The following RGS6 variants were observed in gnomAD, a reference collection of about 807,000 sequenced individuals.
RGS6 encodes regulator of G protein signaling 6, also known as regulator of G-protein signaling 6.
Under a neutral mutation model 78.5 loss-of-function variants are expected in RGS6, and 30 were observed. The ratio of observed to expected loss-of-function variants is 0.38; its 90% CI spans 0.29 to 0.52. The LOEUF (loss-of-function observed/expected upper bound fraction) is 0.52, where lower values mean the gene tolerates loss of function less well. RGS6 is among the 20% of genes least tolerant of loss of function. The pLI is 0.85. For synonymous variants in RGS6, 206 were observed against 206.0 expected, an observed-to-expected ratio of 1.00 and a Z score of 0.00; for missense variants, 495 against 609.7, an observed-to-expected ratio of 0.81 and a Z score of 1.98.
At chr14:72,383,948 A>C (rs1202782331) in intron 3 of RGS6, among the ~76,000 whole-genome samples, 2 of 152,188 alleles carry the variant, frequency 1.3e-5, no homozygotes, top group Non-Finnish European at 1.5e-5. Flanking sequence ...AGAGTACTGA[A>C]TTGCTACAGT....
At chr14:72,057,778 A>C (rs867947067) in intron 2 of RGS6, among the ~76,000 whole-genome samples, 4 of 152,340 alleles carry the variant, frequency 2.6e-5, no homozygotes, top group African/African-American at 9.6e-5. Context: ...CAGCAGCTCA[A>C]GAGACAGACC....
chr14:72,615,112 G>A, the RGS6 span, among the ~76,000 whole-genome samples: 6 of 152,180 alleles, frequency 3.9e-5, no homozygotes, highest in African/African-American at 7.2e-5. Flanking sequence ...AGAGGGGCTA[G>A]GAGGGGCAGC....
In RGS6 at chr14:72,502,309, G is replaced by A. The variant is rs571186359; in HGVS notation, c.965+7047G>A. On this transcript the variant is annotated intron_variant, in intron 13 of 17. Coordinates refer to ENST00000553525, the MANE Select transcript of RGS6 (RefSeq NM_001204424.2). ...TGAGCCCTCCTGGATGCACAGCCCA[G>A]TCAAATCTCCAAATGACCCCACCTC... Among the ~76,000 whole-genome samples the A allele has an allele frequency of 7.2e-5, 11 of 152,308 alleles. No homozygotes were observed. The East Asian group carries it at 1.5e-3, about 21-fold the overall frequency.
At chr14:72,461,471 T>G (rs1364940161) in intron 6 of RGS6, among the ~76,000 whole-genome samples, 1 of 152,208 alleles carries the variant, frequency 6.6e-6, no homozygotes, top group Non-Finnish European at 1.5e-5. Context: ...AAAATTATTT[T>G]AAATTCCTGT....
chr14:71,955,448 G>T (rs938280563), intron 1 of RGS6, among the ~76,000 whole-genome samples: 5 of 152,312 alleles, frequency 3.3e-5, no homozygotes, highest in Admixed American at 6.5e-5. Flanking sequence ...TATTAAGAAA[G>T]TAGAGGAATT....
chr14:72,234,495 G>A (rs2050480585), intron 2 of RGS6, among the ~76,000 whole-genome samples: 1 of 152,172 alleles, frequency 6.6e-6, no homozygotes, highest in African/African-American at 2.4e-5. Context: ...ATTTATATGA[G>A]GACATAAATT....
At chr14:71,887,850 T>C in the RGS6 span, among the ~76,000 whole-genome samples, 2 of 152,186 alleles carry the variant, frequency 1.3e-5, no homozygotes, top group Non-Finnish European at 2.9e-5. Flanking sequence ...CAGAAGCATG[T>C]GATCTTTGTT....
intron 2 of RGS6, among the ~76,000 whole-genome samples, chr14:72,171,618 A>G (rs2097020278): frequency 6.6e-6 from 1 of 152,148 alleles, no homozygotes; most frequent in Non-Finnish European, 1.5e-5. Context: ...CACCTTCTGA[A>G]GTAAAAGAAG....
At chr14:72,234,977 A>G (rs1442948149) in intron 2 of RGS6, among the ~76,000 whole-genome samples, 2 of 152,154 alleles carry the variant, frequency 1.3e-5, no homozygotes, top group Non-Finnish European at 2.9e-5. Flanking sequence ...CAGAGACGAT[A>G]TTCTTGTCCT....
intron 13 of RGS6, among the ~76,000 whole-genome samples, chr14:72,495,929 A>C (rs1053853893): frequency 6.6e-6 from 1 of 152,226 alleles, no homozygotes; most frequent in Admixed American, 6.5e-5. Context: ...TCAGAATTAC[A>C]GAAGGAAACA....
At chr14:72,356,600 G>A (rs1269238217) in intron 3 of RGS6, among the ~76,000 whole-genome samples, 1 of 152,148 alleles carries the variant, frequency 6.6e-6, no homozygotes, top group African/African-American at 2.4e-5. Flanking sequence ...ATCTCATCTT[G>A]AATTGTATAA....
intron 2 of RGS6, among the ~76,000 whole-genome samples, chr14:71,975,814 AT>A (rs1361461174): frequency 3.9e-5 from 6 of 152,004 alleles, no homozygotes; most frequent in African/African-American, 1.5e-4. Flanking sequence ...TAGTTTTCTC[AT>A]TTCTCTCTTC....
the RGS6 span, among the ~76,000 whole-genome samples, chr14:71,922,014 C>G: frequency 2.0e-5 from 3 of 152,132 alleles, no homozygotes; most frequent in Non-Finnish European, 4.4e-5. Flanking sequence ...GGCTTTAAAT[C>G]CCACCTATTT....
chr14:72,132,113 G>A (rs753837128), intron 2 of RGS6, among the ~76,000 whole-genome samples: 11 of 151,998 alleles, frequency 7.2e-5, no homozygotes, highest in Non-Finnish European at 1.3e-4. Context: ...TTCTCAACCT[G>A]TCTTACCTAT....
intron 12 of RGS6, among the ~76,000 whole-genome samples, chr14:72,491,404 A>G (rs2096576430): frequency 6.6e-6 from 1 of 152,230 alleles, no homozygotes; most frequent in Non-Finnish European, 1.5e-5. Flanking sequence ...AAAGTCACTC[A>G]ATGCAACCAA....
chr14:72,368,913 C>A (rs538635801), intron 3 of RGS6, among the ~76,000 whole-genome samples: 5 of 152,202 alleles, frequency 3.3e-5, no homozygotes, highest in Middle Eastern at 3.4e-3. Flanking sequence ...CATTAAGTAT[C>A]TTCATATGGG....
intron 3 of RGS6, among the ~76,000 whole-genome samples, chr14:72,417,726 G>A (rs1407147691): frequency 1.3e-5 from 2 of 152,162 alleles, no homozygotes; most frequent in East Asian, 1.9e-4. Flanking sequence ...CATACCTCAC[G>A]GAGTTGTTCT....
chr14:72,095,975 A>G (rs2095396983), intron 2 of RGS6, among the ~76,000 whole-genome samples: 1 of 152,228 alleles, frequency 6.6e-6, no homozygotes, highest in African/African-American at 2.4e-5. Flanking sequence ...GAACCTTAAA[A>G]ATAATGAGGA....
At chr14:72,355,198 CT>C (rs374468114) in intron 3 of RGS6, among the ~76,000 whole-genome samples, 301 of 142,484 alleles carry the variant, frequency 2.1e-3, no homozygotes, top group Middle Eastern at 3.7e-3. Context: ...TCCTCTGGTT[CT>C]TTTTTTTTTT....
Sources: gnomAD v4.1 joint callset for allele counts (sites outside exome capture counted in the v4.1 genomes callset) on GRCh38, gnomAD v4.1.1 for gene constraint, MANE v1.5 for transcripts, NCBI Gene and HGNC (gene_info 2026-07-23, HGNC 2026-07-21) for gene names.